Variants in EPSTI1 observed in about 807,000 individuals in gnomAD.
EPSTI1 encodes the protein epithelial-stromal interaction protein 1.
EPSTI1 carries 66 observed loss-of-function variants against 49.9 expected under a neutral mutation model. The ratio of observed to expected loss-of-function variants is 1.32; its 90% CI spans 1.08 to 1.62. The LOEUF is 1.62. Among genes scored for constraint, EPSTI1 ranks in the 40% most tolerant of loss-of-function variants. EPSTI1 has a pLI of 0.00. For synonymous variants in EPSTI1, 137 were observed against 130.7 expected (o/e 1.05, Z -0.33); for missense variants, 394 against 365.5 (o/e 1.08, Z -0.64).
At chr13:42,943,650 T>A (rs1274595482) in intron 6 of EPSTI1, among the ~76,000 whole-genome samples, 1 of 152,188 alleles carries the variant, frequency 6.6e-6, no homozygotes, top group East Asian at 1.9e-4. Flanking sequence ...CAAGTGAAAC[T>A]ATTTTGTAAA....
At chr13:42,899,456 G>A (rs965368900) in intron 9 of EPSTI1, among the ~76,000 whole-genome samples, 9 of 152,018 alleles carry the variant, frequency 5.9e-5, no homozygotes, top group East Asian at 1.9e-4. Flanking sequence ...TGAGCTCCCC[G>A]CCCACAGTTA....
At chr13:42,957,637 G>A (rs1232453928) in intron 5 of EPSTI1, among the ~76,000 whole-genome samples, 1 of 152,196 alleles carries the variant, frequency 6.6e-6, no homozygotes, top group African/African-American at 2.4e-5. Flanking sequence ...GTGCAGTGGT[G>A]CCATCTGGGC....
At chr13:42,914,178 G>T (rs529621581) in intron 8 of EPSTI1, among the ~76,000 whole-genome samples, 1 of 152,174 alleles carries the variant, frequency 6.6e-6, no homozygotes, top group African/African-American at 2.4e-5. Flanking sequence ...TTACTACAAG[G>T]TGATGAATCA....
intron 10 of EPSTI1, 47 bp downstream of exon 10, chr13:42,894,962 T>A: frequency 1.3e-6 from 2 of 1,485,428 alleles, no homozygotes; most frequent in Non-Finnish European, 1.9e-6. Context: ...TCATTGTTTT[T>A]ATTCTTCAAC....
At chr13:42,925,384 A>G (rs1302961870) in intron 7 of EPSTI1, among the ~76,000 whole-genome samples, 2 of 152,198 alleles carry the variant, frequency 1.3e-5, no homozygotes, top group Non-Finnish European at 2.9e-5. Context: ...GTTTTCTACC[A>G]GGAGCACCAT....
chr13:42,980,457 A>ATG (rs1324569527), intron 1 of EPSTI1, among the ~76,000 whole-genome samples: 5 of 152,196 alleles, frequency 3.3e-5, no homozygotes, highest in African/African-American at 1.2e-4. Context: ...GGTGGAAGGC[A>ATG]AAGGAGGAGC....
rs2037107710 is a variant in EPSTI1, at chr13:42,893,757, ACC to A, written c.915+1250_915+1251del. On this transcript the variant is annotated intron_variant, in intron 10 of 10. Transcript: ENST00000313624. ...GCGGTTCCATAGAGAAGAAATGACAACCATACAGTGTGTTTCCAAGCCCTGAC... is the reference window on the plus strand; with the variant it reads ...GCGGTTCCATAGAGAAGAAATGACAAATACAGTGTGTTTCCAAGCCCTGAC... Among the ~76,000 whole-genome samples the A allele has an allele frequency of 2.2e-4, 33 of 152,286 alleles. No individual in the cohort carries two copies. The South Asian group carries it at 6.4e-3, about 30-fold the overall frequency.
chr13:42,970,635 T>C lies in EPSTI1; in HGVS notation c.224A>G (p.Asn75Ser). 1 of 1,610,988 alleles carries C rather than the reference T, an allele frequency of 6.2e-7. No homozygotes were observed. The highest frequency in any genetic ancestry group is 1.3e-5 in the African/African-American group (1 of 74,930). Residue 75 changes from asparagine to serine, a missense_variant, in exon 2 of 11, where the codon AAC (asparagine) becomes AGC (serine). Asn to Ser is a conservative substitution (Grantham distance 46). Coordinates refer to ENST00000313624, the MANE Select transcript of EPSTI1 (RefSeq NM_033255.5). ...ACTTCTTTGTATCTCATTTCTCCGG[T>C]TTATATTTGGTGCTATCAAGGTGTA... ...SAYTLIAPNI[N>S]RRNEIQRIAE...
At chr13:42,939,634 G>T (rs2038687332) in intron 6 of EPSTI1, among the ~76,000 whole-genome samples, 1 of 152,156 alleles carries the variant, frequency 6.6e-6, no homozygotes, top group Non-Finnish European at 1.5e-5. Flanking sequence ...GGCAGGGTTT[G>T]TGGGTCCCCA....
intron 10 of EPSTI1, among the ~76,000 whole-genome samples, chr13:42,890,030 C>T (rs1005985129): frequency 3.3e-5 from 5 of 152,098 alleles, no homozygotes; most frequent in African/African-American, 9.7e-5. Context: ...TGCTCTGCCC[C>T]GTCTGTCATA....
chr13:42,962,430 C>T (rs1199105714), intron 5 of EPSTI1, among the ~76,000 whole-genome samples: 1 of 152,078 alleles, frequency 6.6e-6, no homozygotes, highest in African/African-American at 2.4e-5. Flanking sequence ...AACAGAATTA[C>T]AGTTATCATA....
intron 9 of EPSTI1, among the ~76,000 whole-genome samples, chr13:42,895,713 T>A (rs2037171041): frequency 6.6e-6 from 1 of 152,220 alleles, no homozygotes; most frequent in Non-Finnish European, 1.5e-5. Flanking sequence ...TTACAGTTTT[T>A]AAATTTAAAA....
At chr13:42,896,457 A>G (rs769022929) in intron 9 of EPSTI1, among the ~76,000 whole-genome samples, 1 of 152,140 alleles carries the variant, frequency 6.6e-6, no homozygotes, top group Non-Finnish European at 1.5e-5. Context: ...TTTGTCATTA[A>G]CAAAGATGGG....
chr13:42,925,523 T>A (rs951684985), intron 7 of EPSTI1, among the ~76,000 whole-genome samples: 2 of 152,118 alleles, frequency 1.3e-5, no homozygotes, highest in East Asian at 3.9e-4. Context: ...ATACTAAGCA[T>A]CCTGCAGTAA....
At chr13:42,964,898 T>C (rs1171948730) in intron 3 of EPSTI1, among the ~76,000 whole-genome samples, 1 of 152,222 alleles carries the variant, frequency 6.6e-6, no homozygotes. Flanking sequence ...TCCTTTGAAA[T>C]AATTCTCTGG....
Position 42,946,489 on chromosome 13 carries a change from C to T in EPSTI1, c.563+7459G>A, listed in dbSNP as rs566464866. The stretch of plus-strand genomic sequence containing the variant: ...AGCCAGGAGAGGTCACAAAAGCCCA[C>T]CTACCCTACAGTAAGTTTAATTACG... On this transcript the variant is annotated intron_variant, in intron 6 of 10. Coordinates refer to ENST00000313624, the MANE Select transcript of EPSTI1 (RefSeq NM_033255.5). Among the ~76,000 whole-genome samples the T allele has an allele frequency of 4.6e-5, 7 of 152,276 alleles. No individual in the cohort carries two copies. The South Asian group carries it at 1.0e-3, about 23-fold the overall frequency.
rs2153417161 is a variant in EPSTI1, at chr13:42,914,771, C to T, written c.741+2770G>A. Among the ~76,000 whole-genome samples, 4 of 152,234 alleles carry T rather than the reference C, an allele frequency of 2.6e-5. 1 individual carries two copies. In the South Asian group the frequency reaches 8.3e-4, roughly 32 times the overall value. On this transcript the variant is annotated intron_variant, in intron 8 of 10. Transcript: ENST00000313624. ...AGATGAGATGAGAAGTTCACGTGTG[C>T]TCTATCATCTTCTTCATGACCTACT...
chr13:42,972,075 T>C (rs1020818126), intron 1 of EPSTI1, among the ~76,000 whole-genome samples: 12 of 152,206 alleles, frequency 7.9e-5, no homozygotes, highest in African/African-American at 2.9e-4. Flanking sequence ...CCCTGGAAAC[T>C]TGAATATGAT....
chr13:42,952,334 A>C (rs2039124549), intron 6 of EPSTI1, among the ~76,000 whole-genome samples: 1 of 152,156 alleles, frequency 6.6e-6, no homozygotes. Context: ...CACTCACCGC[A>C]AAGGTCCATG....
Sources: gnomAD v4.1 joint callset for allele counts (sites outside exome capture counted in the v4.1 genomes callset) on GRCh38, gnomAD v4.1.1 for gene constraint, MANE v1.5 for transcripts, NCBI Gene and HGNC (gene_info 2026-07-23, HGNC 2026-07-21) for gene names.